The following HIVEP3 variants were observed in gnomAD, a reference collection of about 807,000 sequenced individuals.
The protein encoded by HIVEP3 is HIVEP zinc finger 3.
In HIVEP3, 49 loss-of-function variants were observed where a neutral mutation model predicts 152.8. That is an observed-to-expected ratio of 0.32 (90% CI 0.26 to 0.41). The LOEUF (loss-of-function observed/expected upper bound fraction) is 0.41. Among genes scored for constraint, HIVEP3 ranks in the 10% least tolerant of loss-of-function variants. The pLI is 1.00. For synonymous variants in HIVEP3, 1,269 were observed against 1,289.0 expected, an observed-to-expected ratio of 0.98 and a Z score of 0.33; for missense variants, 2,790 against 3,103.3, an observed-to-expected ratio of 0.90 and a Z score of 2.40.
At chr1:42,012,251 G>A (rs1278184595) in intron 1 of HIVEP3, among the ~76,000 whole-genome samples, 1 of 152,150 alleles carries the variant, frequency 6.6e-6, no homozygotes, top group African/African-American at 2.4e-5. Flanking sequence ...AAATTGGGAG[G>A]TACCTTATAA....
chr1:41,667,065 A>T (rs992195166), intron 2 of HIVEP3, among the ~76,000 whole-genome samples: 2 of 152,114 alleles, frequency 1.3e-5, no homozygotes, highest in African/African-American at 4.8e-5. Context: ...GCCCCCAGGG[A>T]GTGTTGGCGT....
intron 1 of HIVEP3, among the ~76,000 whole-genome samples, chr1:41,780,249 G>C (rs1392372528): frequency 6.7e-6 from 1 of 148,804 alleles, no homozygotes; most frequent in Non-Finnish European, 1.5e-5. Flanking sequence ...AGCTGGGCCA[G>C]TCGTGGGATT....
At chr1:41,619,744 C>T (rs1047611334) in intron 3 of HIVEP3, among the ~76,000 whole-genome samples, 8 of 152,068 alleles carry the variant, frequency 5.3e-5, no homozygotes, top group Non-Finnish European at 7.4e-5. Context: ...GGAGGCTGTC[C>T]GAATGCTATA....
intron 1 of HIVEP3, among the ~76,000 whole-genome samples, chr1:41,902,941 A>AT (rs1375982681): frequency 6.6e-6 from 1 of 152,226 alleles, no homozygotes; most frequent in African/African-American, 2.4e-5. Flanking sequence ...CTAAAAGTGA[A>AT]TGTGACACAA....
chr1:41,562,598 T>TTC lies in HIVEP3; in HGVS notation c.5207+12945_5207+12946insGA, dbSNP rs1369538828. On this transcript the variant is annotated intron_variant, in intron 5 of 8. Transcript: ENST00000372583. Reference sequence around the variant, plus strand: ...CTTTTCCTTCCTTCCTTCCTTCCTTTCTTTCTCTCTCTCTCTCTCTCTCTC... The same window carrying TTC: ...CTTTTCCTTCCTTCCTTCCTTCCTTTTCCTTTCTCTCTCTCTCTCTCTCTCTC... Among the ~76,000 whole-genome samples the TTC allele has an allele frequency of 3.3e-3, 231 of 69,610 alleles. 1 individual carries two copies. The highest frequency in any genetic ancestry group is 6.1e-3 in the Non-Finnish European group (157 of 25,614). 45.7% of individuals were successfully genotyped at this position (69,610 alleles called of 152,430 possible).
chr1:41,545,037 A>ACCACT (rs1558047542), intron 5 of HIVEP3, among the ~76,000 whole-genome samples: 1 of 63,052 alleles, frequency 1.6e-5, no homozygotes, highest in African/African-American at 5.6e-5. Flanking sequence ...CACCACCACC[A>ACCACT]ATACCACTAC....
chr1:41,760,540 T>C (rs1228948143), intron 1 of HIVEP3, among the ~76,000 whole-genome samples: 2 of 152,080 alleles, frequency 1.3e-5, no homozygotes, highest in African/African-American at 2.4e-5. Flanking sequence ...CTCTGGCTTG[T>C]TCATTTTATG....
intron 1 of HIVEP3, among the ~76,000 whole-genome samples, chr1:41,716,947 G>C (rs1646603057): frequency 6.6e-6 from 1 of 152,226 alleles, no homozygotes; most frequent in Non-Finnish European, 1.5e-5. Flanking sequence ...GCCTCAAGCT[G>C]CACGCACGTT....
intron 1 of HIVEP3, among the ~76,000 whole-genome samples, chr1:41,806,733 C>T (rs1413374429): frequency 6.6e-6 from 1 of 152,178 alleles, no homozygotes; most frequent in Admixed American, 6.5e-5. Flanking sequence ...AGGCGCAGGG[C>T]CGGGGCCAGC....
Position 41,776,380 on chromosome 1 carries a change from C to T in HIVEP3, c.-800-75385G>A, listed in dbSNP as rs183750817. 2.5e-4 allele frequency among the ~76,000 whole-genome samples: 38 copies of T among 152,382 alleles called. No homozygotes were observed. The East Asian group carries it at 4.8e-3, about 19-fold the overall frequency. On this transcript the variant is annotated intron_variant, in intron 1 of 8. Coordinates refer to ENST00000372583, the MANE Select transcript of HIVEP3 (RefSeq NM_024503.5). Reference sequence around the variant, plus strand: ...TGCCAGGCACCACTGGCCTTGTCCACGCTTGAGCCAGTGTTTTGGGCAGTG... The same window carrying T: ...TGCCAGGCACCACTGGCCTTGTCCATGCTTGAGCCAGTGTTTTGGGCAGTG...
At position 41,530,114 on chromosome 1, in the gene HIVEP3, T is replaced by G. The variant is rs1012600667; in HGVS notation, c.5208-5204A>C. Among the ~76,000 whole-genome samples, 4 of 152,252 alleles carry G rather than the reference T, an allele frequency of 2.6e-5. No individual in the cohort carries two copies. In the East Asian group the frequency reaches 7.8e-4, roughly 30 times the overall value. On this transcript the variant is annotated intron_variant, in intron 5 of 8. Transcript: ENST00000372583. ...CCAGTACAGGTGGACCCTGTTTTTT[T>G]GTCACCTCAGATTTGGCCAACTGAT... is the stretch of plus-strand genomic sequence containing the variant.
intron 1 of HIVEP3, among the ~76,000 whole-genome samples, chr1:41,740,137 ACATT>A (rs1646975583): frequency 6.6e-6 from 1 of 152,196 alleles, no homozygotes; most frequent in Admixed American, 6.5e-5. Flanking sequence ...CTACCCATCC[ACATT>A]GCTGGCCAGT....
At chr1:41,931,866 T>C (rs1408503964) in intron 1 of HIVEP3, among the ~76,000 whole-genome samples, 1 of 152,014 alleles carries the variant, frequency 6.6e-6, no homozygotes, top group Non-Finnish European at 1.5e-5. Context: ...TCCTTCGGGT[T>C]TTTCTACAAA....
At chr1:41,989,407 G>A (rs78516565) in intron 1 of HIVEP3, among the ~76,000 whole-genome samples, 5,208 of 152,144 alleles carry the variant, frequency 0.034, 272 homozygotes, top group African/African-American at 0.12. Flanking sequence ...AGGAATCATA[G>A]AGCAATCTAT....
At chr1:41,970,648 C>T (rs1645223664) in intron 1 of HIVEP3, among the ~76,000 whole-genome samples, 1 of 152,078 alleles carries the variant, frequency 6.6e-6, no homozygotes, top group Non-Finnish European at 1.5e-5. Context: ...ACACATTTAC[C>T]TATGTAACAA....
intron 1 of HIVEP3, among the ~76,000 whole-genome samples, chr1:42,011,618 C>T (rs1181338762): frequency 6.6e-6 from 1 of 152,170 alleles, no homozygotes; most frequent in Non-Finnish European, 1.5e-5. Context: ...CATCAACTGC[C>T]TTCTTTCCAC....
At chr1:41,878,281 A>G (rs1644202574) in intron 1 of HIVEP3, among the ~76,000 whole-genome samples, 1 of 152,168 alleles carries the variant, frequency 6.6e-6, no homozygotes, top group Admixed American at 6.5e-5. Context: ...TTGCTCTAAA[A>G]CACATAAAAA....
intron 1 of HIVEP3, among the ~76,000 whole-genome samples, chr1:41,857,479 G>A (rs1246233281): frequency 6.6e-6 from 1 of 151,514 alleles, no homozygotes; most frequent in African/African-American, 2.4e-5. Context: ...TGTATTTCAA[G>A]TACAACTCAG....
intron 1 of HIVEP3, among the ~76,000 whole-genome samples, chr1:41,824,784 T>TAGAGAGAGAGAGAGAG (rs397979993): frequency 6.2e-4 from 7 of 11,374 alleles, no homozygotes; most frequent in Admixed American, 1.2e-3. Context: ...TATATATATA[T>TAGAGAGAGAGAGAGAG]AGAGAGAGAG....
Sources: gnomAD v4.1 joint callset for allele counts (sites outside exome capture counted in the v4.1 genomes callset) on GRCh38, gnomAD v4.1.1 for gene constraint, MANE v1.5 for transcripts, NCBI Gene and HGNC (gene_info 2026-07-23, HGNC 2026-07-21) for gene names.